ATE1: variants seen among roughly 807,000 people sequenced by gnomAD.
The protein encoded by ATE1 is arginyltransferase 1, also known as arginyl-tRNA--protein transferase 1.
In ATE1, 36 loss-of-function variants were observed where a neutral mutation model predicts 70.5. That is an observed-to-expected ratio of 0.51 (90% CI 0.39 to 0.67). The LOEUF is 0.67. Ranked by LOEUF, ATE1 falls within the 30% of genes least tolerant of loss-of-function variation. The pLI is 0.00. For missense variants in ATE1, 593 were observed against 629.5 expected (o/e 0.94, Z 0.62); for synonymous variants, 232 against 219.3 (o/e 1.06, Z -0.51).
intron 10 of ATE1, among the ~76,000 whole-genome samples, chr10:121,803,134 CT>C (rs1272892243): frequency 3.3e-5 from 5 of 152,180 alleles, no homozygotes; most frequent in Non-Finnish European, 5.9e-5. Flanking sequence ...CTTCCACCCC[CT>C]GACCTAAAAT....
At chr10:121,766,857 T>A (rs186285832) in intron 11 of ATE1, among the ~76,000 whole-genome samples, 1 of 152,322 alleles carries the variant, frequency 6.6e-6, no homozygotes, top group East Asian at 1.9e-4. Context: ...CACTCGTTCA[T>A]GCTCCAGAAG....
At chr10:121,890,157 T>C (rs1055652221) in intron 7 of ATE1, among the ~76,000 whole-genome samples, 2 of 152,086 alleles carry the variant, frequency 1.3e-5, no homozygotes, top group Non-Finnish European at 2.9e-5. Context: ...AAGTCAATAT[T>C]ACAGAAAAAA....
At chr10:121,862,524 T>G (rs1189996727) in intron 8 of ATE1, among the ~76,000 whole-genome samples, 1 of 133,168 alleles carries the variant, frequency 7.5e-6, no homozygotes. Flanking sequence ...AACTGATTAA[T>G]TTTTTTAATT....
At chr10:121,799,177 C>G (rs752919154) in intron 10 of ATE1, among the ~76,000 whole-genome samples, 2 of 152,178 alleles carry the variant, frequency 1.3e-5, no homozygotes, top group Non-Finnish European at 2.9e-5. Context: ...TGCTCATTCT[C>G]TGCTGGGGAA....
intron 5 of ATE1, among the ~76,000 whole-genome samples, chr10:121,903,105 G>A (rs1000688081): frequency 4.6e-5 from 7 of 151,884 alleles, no homozygotes; most frequent in Non-Finnish European, 7.4e-5. Flanking sequence ...TGGACAGACT[G>A]GTCTCAAACT....
chr10:121,848,706 T>C (rs1334220310), intron 8 of ATE1, among the ~76,000 whole-genome samples: 2 of 145,922 alleles, frequency 1.4e-5, no homozygotes, highest in East Asian at 4.1e-4. Context: ...AGGTCAGGAG[T>C]TCGAGACCAG....
intron 7 of ATE1, among the ~76,000 whole-genome samples, chr10:121,892,396 TGGGG>T: frequency 6.6e-6 from 1 of 151,288 alleles, no homozygotes; most frequent in South Asian, 2.1e-4. Context: ...CAGAAAGATT[TGGGG>T]GAGAAGGGAG....
intron 10 of ATE1, among the ~76,000 whole-genome samples, chr10:121,833,740 G>A (rs1316962186): frequency 2.0e-5 from 3 of 152,122 alleles, no homozygotes; most frequent in African/African-American, 7.2e-5. Flanking sequence ...GGCCACAGAT[G>A]ACAGGGCAAA....
chr10:121,927,917 G>A lies in ATE1; in HGVS notation c.33C>T (p.Val11=), dbSNP rs1222833140. The A allele has an allele frequency of 1.1e-5, 17 of 1,583,078 alleles. No homozygotes were observed. The highest frequency in any genetic ancestry group is 1.5e-5 in the Non-Finnish European group (17 of 1,167,764). MAFWAGGSPS[V]VDYFPSEDFY... ...AGTCCTCGCTAGGGAAATAGTCCAC[G>A]ACGCTGGGCGAACCCCCCGCCCAGA... is the stretch of plus-strand genomic sequence containing the variant. Residue 11 remains valine, a synonymous_variant, in exon 1 of 12, where the codon GTC becomes GTT. Coordinates refer to ENST00000224652, the MANE Select transcript of ATE1 (RefSeq NM_001001976.3).
chr10:121,888,626 T>C (rs761972487), intron 7 of ATE1, among the ~76,000 whole-genome samples: 18 of 152,152 alleles, frequency 1.2e-4, no homozygotes, highest in Non-Finnish European at 2.4e-4. Flanking sequence ...AGCATTTCTA[T>C]TGGGCACACA....
intron 7 of ATE1, 117 bp from the exon 8 acceptor site, chr10:121,870,155 C>T (rs1225206976): frequency 3.2e-6 from 3 of 947,138 alleles, no homozygotes; most frequent in Admixed American, 2.2e-5. Flanking sequence ...AAAGTGAACC[C>T]AAAGATTATA....
At chr10:121,746,065 G>A (rs904596235) in intron 11 of ATE1, among the ~76,000 whole-genome samples, 12 of 152,068 alleles carry the variant, frequency 7.9e-5, no homozygotes, top group Non-Finnish European at 1.5e-4. Flanking sequence ...CCTTTGCGCA[G>A]AATTACCCGC....
In ATE1 at chr10:121,927,938, C is replaced by G; in HGVS notation, c.12G>C (p.Trp4Cys). 6.4e-7 allele frequency: 1 copy of G among 1,570,188 alleles called. No individual in the cohort carries two copies. Among genetic ancestry groups the G allele is most frequent in the Non-Finnish European group, 8.6e-7 (1 of 1,161,278 alleles). MAF[W>C]AGGSPSVVDY... is the part of the protein sequence containing the mutation. ...CCACGACGCTGGGCGAACCCCCCGC[C>G]CAGAAAGCCATGGCCTCGGCCCCGC... Residue 4 changes from tryptophan to cysteine, a missense_variant, in exon 1 of 12, where the codon TGG becomes TGC. This residue lies in a region of ATE1 where 467 missense variants were observed against 469.6 expected (regional missense o/e 0.99). Transcript: ENST00000224652.
rs1951403031 is a variant in ATE1 at position 121,911,050 on chromosome 10, T to C, written c.439A>G (p.Ile147Val). 6.2e-7 allele frequency: 1 copy of C among 1,613,718 alleles called. No homozygotes were observed. Among genetic ancestry groups the C allele is most frequent in the Non-Finnish European group, 8.5e-7 (1 of 1,179,960 alleles). The change falls in exon 5 of 12, where the codon ATC becomes GTC. Residue 147 changes from isoleucine (I) to valine (V), a missense_variant. This residue lies in a region of ATE1 where 467 missense variants were observed against 469.6 expected (regional missense o/e 0.99). Coordinates refer to ENST00000224652, the MANE Select transcript of ATE1 (RefSeq NM_001001976.3). Reference protein sequence around the residue: ...QCDLKTLSDDIKESLESEGKN... With the variant: ...QCDLKTLSDDVKESLESEGKN... ...CCTTCACTCTCTAAACTCTCTTTGA[T>C]GTCATCACTGAGTGTTTTAAGATCA... is the stretch of plus-strand genomic sequence containing the variant.
intron 10 of ATE1, among the ~76,000 whole-genome samples, chr10:121,828,331 A>C (rs1279711633): frequency 2.0e-5 from 3 of 152,170 alleles, no homozygotes; most frequent in South Asian, 4.2e-4. Flanking sequence ...CCACCCAAAA[A>C]CGTAGTGGCC....
chr10:121,896,521 T>A (rs1950786103), intron 7 of ATE1, among the ~76,000 whole-genome samples: 1 of 152,100 alleles, frequency 6.6e-6, no homozygotes, highest in African/African-American at 2.4e-5. Flanking sequence ...AAAAGCCTCA[T>A]CCCTTGGTCG....
chr10:121,803,870 T>C (rs908820581), intron 10 of ATE1, among the ~76,000 whole-genome samples: 1 of 152,184 alleles, frequency 6.6e-6, no homozygotes, highest in East Asian at 1.9e-4. Flanking sequence ...TAATCATTCC[T>C]TTTTTTCGGC....
chr10:121,764,649 A>G (rs1438252208), intron 11 of ATE1, among the ~76,000 whole-genome samples: 1 of 152,218 alleles, frequency 6.6e-6, no homozygotes, highest in African/African-American at 2.4e-5. Flanking sequence ...TAATTAAAAA[A>G]TTTAAAATCG....
At chr10:121,785,221 A>T (rs374066956) in intron 11 of ATE1, among the ~76,000 whole-genome samples, 1 of 152,120 alleles carries the variant, frequency 6.6e-6, no homozygotes, top group South Asian at 2.1e-4. Flanking sequence ...CAGAAGTATT[A>T]AAAAAAAGCT....
Sources: gnomAD v4.1 joint callset for allele counts (sites outside exome capture counted in the v4.1 genomes callset) on GRCh38, gnomAD v4.1.1 for gene constraint, gnomAD v4.1.1 regional missense constraint, MANE v1.5 for transcripts, NCBI Gene and HGNC (gene_info 2026-07-23, HGNC 2026-07-21) for gene names.